The following CORO2B variants were observed in gnomAD, a reference collection of about 807,000 sequenced individuals.
CORO2B encodes the protein coronin-2B.
Under a neutral mutation model 58.8 loss-of-function variants are expected in CORO2B, and 26 were observed. The observed-to-expected ratio is 0.44, with a 90% CI of 0.32 to 0.61. CORO2B has a LOEUF of 0.61. Among genes scored for constraint, CORO2B ranks in the 20% least tolerant of loss-of-function variants. CORO2B has a pLI of 0.04. For missense variants in CORO2B, 460 were observed against 645.1 expected (o/e 0.71, Z 3.11); for synonymous variants, 242 against 253.8 (o/e 0.95, Z 0.44).
rs1893291521 is a variant in CORO2B, at chr15:68,726,052, C to T, written c.*78C>T. ...CCTTAACTTCTCCCTTACCAGTGAC[C>T]CCAGAGACAGAGCCAGGACAGGAGT... On this transcript the variant is annotated 3_prime_UTR_variant, in exon 12 of 12. Transcript: ENST00000261861. 3.2e-6 allele frequency: 5 copies of T among 1,574,280 alleles called. No individual in the cohort carries two copies. In the East Asian group the frequency reaches 6.8e-5, roughly 21 times the overall value.
intron 2 of CORO2B, among the ~76,000 whole-genome samples, chr15:68,664,962 T>C (rs1418358086): frequency 6.6e-6 from 1 of 151,104 alleles, no homozygotes; most frequent in Non-Finnish European, 1.5e-5. Context: ...AATGGTACTT[T>C]TTGCAGTGCA....
chr15:68,605,731 T>TTG (rs1900099734), intron 1 of CORO2B, among the ~76,000 whole-genome samples: 5 of 137,574 alleles, frequency 3.6e-5, no homozygotes, highest in African/African-American at 1.3e-4. Context: ...TTTTTTTTTT[T>TTG]TTTTTTTTTG....
the CORO2B span, among the ~76,000 whole-genome samples, chr15:68,563,351 G>GT: frequency 6.6e-6 from 1 of 151,938 alleles, no homozygotes. Context: ...TTAGCTGGGC[G>GT]TATTGGCGTG....
chr15:68,624,204 A>T (rs935297095), intron 1 of CORO2B, among the ~76,000 whole-genome samples: 1 of 152,168 alleles, frequency 6.6e-6, no homozygotes, highest in Non-Finnish European at 1.5e-5. Flanking sequence ...CACTCTACCA[A>T]TGTCGGCTAT....
intron 1 of CORO2B, among the ~76,000 whole-genome samples, chr15:68,596,661 G>A (rs557303511): frequency 6.6e-6 from 1 of 152,300 alleles, no homozygotes; most frequent in African/African-American, 2.4e-5. Context: ...CAGCAGCCAT[G>A]TTGAGGTGAT....
At chr15:68,717,200 G>T (rs1893052085) in intron 8 of CORO2B, among the ~76,000 whole-genome samples, 1 of 151,948 alleles carries the variant, frequency 6.6e-6, no homozygotes, top group African/African-American at 2.4e-5. Flanking sequence ...TGTAATCCCA[G>T]CTACTTGGGA....
intron 1 of CORO2B, among the ~76,000 whole-genome samples, chr15:68,603,611 T>C (rs549257162): frequency 6.6e-6 from 1 of 152,166 alleles, no homozygotes; most frequent in African/African-American, 2.4e-5. Flanking sequence ...AATGAGGTCA[T>C]AAAGGCAGAG....
chr15:68,571,711 T>G, the CORO2B span, among the ~76,000 whole-genome samples: 3 of 152,148 alleles, frequency 2.0e-5, no homozygotes, highest in East Asian at 3.8e-4. Context: ...ACAAGCTGAG[T>G]ACAGCTGTAA....
intron 1 of CORO2B, chr15:68,631,958 C>T: frequency 3.0e-6 from 3 of 985,482 alleles, no homozygotes; most frequent in Non-Finnish European, 2.4e-6. Flanking sequence ...CTCAGCATCG[C>T]TGGAGTGGGC....
chr15:68,579,829 A>G (rs1285312975), intron 1 of CORO2B, among the ~76,000 whole-genome samples: 1 of 152,230 alleles, frequency 6.6e-6, no homozygotes, highest in African/African-American at 2.4e-5. Context: ...GGGCAGGTCC[A>G]GGTGGTTGGC....
chr15:68,722,682 CG>C (rs1488118814), intron 11 of CORO2B, among the ~76,000 whole-genome samples: 1 of 152,184 alleles, frequency 6.6e-6, no homozygotes, highest in African/African-American at 2.4e-5. Context: ...GCAAATAGCA[CG>C]TCATCCCTCT....
intron 1 of CORO2B, among the ~76,000 whole-genome samples, chr15:68,620,335 C>T (rs1900483419): frequency 6.6e-6 from 1 of 152,140 alleles, no homozygotes; most frequent in Admixed American, 6.5e-5. Context: ...TAGAAAGAGC[C>T]AATTTAAAGA....
the CORO2B span, among the ~76,000 whole-genome samples, chr15:68,532,943 C>T: frequency 6.6e-6 from 1 of 152,202 alleles, no homozygotes; most frequent in Non-Finnish European, 1.5e-5. Flanking sequence ...TAAAATCCAC[C>T]ATTGTTCTTT....
chr15:68,705,331 G>C (rs573516446), intron 3 of CORO2B, among the ~76,000 whole-genome samples: 2 of 151,798 alleles, frequency 1.3e-5, no homozygotes, highest in South Asian at 2.1e-4. Context: ...CCAGTTACTC[G>C]GGAGGCTGAG....
chr15:68,702,753 G>A (rs1373419601), intron 3 of CORO2B, among the ~76,000 whole-genome samples: 3 of 150,894 alleles, frequency 2.0e-5, no homozygotes, highest in Non-Finnish European at 4.4e-5. Flanking sequence ...GCCAATGATT[G>A]TGTACTGTAT....
At chr15:68,681,000 G>A (rs1478166633) in intron 2 of CORO2B, among the ~76,000 whole-genome samples, 3 of 152,156 alleles carry the variant, frequency 2.0e-5, no homozygotes, top group African/African-American at 7.2e-5. Context: ...GATCGCCTGA[G>A]GTCAAGAGTT....
upstream of CORO2B, among the ~76,000 whole-genome samples, chr15:68,574,799 G>A (rs1256156087): frequency 3.9e-5 from 6 of 152,146 alleles, no homozygotes; most frequent in Admixed American, 1.3e-4. Flanking sequence ...TGGATACAGC[G>A]CCAGGAGAGC....
At chr15:68,644,907 C>A (rs1901372449) in intron 1 of CORO2B, among the ~76,000 whole-genome samples, 1 of 152,160 alleles carries the variant, frequency 6.6e-6, no homozygotes, top group South Asian at 2.1e-4. Context: ...GGCATGTGTA[C>A]CAAAAGCTCC....
At chr15:68,626,440 G>A (rs1900684770) in intron 1 of CORO2B, among the ~76,000 whole-genome samples, 1 of 152,098 alleles carries the variant, frequency 6.6e-6, no homozygotes. Flanking sequence ...GCTAGATTGA[G>A]TCCTGTCTCA....
Sources: gnomAD v4.1 joint callset for allele counts (sites outside exome capture counted in the v4.1 genomes callset) on GRCh38, gnomAD v4.1.1 for gene constraint, MANE v1.5 for transcripts, NCBI Gene and HGNC (gene_info 2026-07-23, HGNC 2026-07-21) for gene names.